LGR5: variants seen among roughly 807,000 people sequenced by gnomAD.
LGR5 encodes the protein leucine rich repeat containing G protein-coupled receptor 5, also known as leucine-rich repeat-containing G protein-coupled receptor 5.
LGR5 carries 54 observed loss-of-function variants against 76.7 expected under a neutral mutation model. The observed-to-expected ratio is 0.70, with a 90% confidence interval of 0.57 to 0.88. The LOEUF (loss-of-function observed/expected upper bound fraction) is 0.88, where lower values mean the gene tolerates loss of function less well. Ranked by LOEUF, LGR5 falls within the 40% of genes least tolerant of loss-of-function variation. LGR5 has a pLI of 0.00. For missense variants in LGR5, 1,078 were observed against 1,073.3 expected (o/e 1.00, Z -0.06); for synonymous variants, 406 against 421.9 (o/e 0.96, Z 0.46).
intron 4 of LGR5, among the ~76,000 whole-genome samples, chr12:71,545,845 T>A (rs1264685760): frequency 6.6e-6 from 1 of 152,188 alleles, no homozygotes; most frequent in Non-Finnish European, 1.5e-5. Context: ...CATTCTCTAA[T>A]CTTTACAATA....
rs73138530 is a variant in LGR5 at position 71,449,340 on chromosome 12, G to T, written c.212+9048G>T. On this transcript the variant is annotated intron_variant, in intron 1 of 17. Coordinates refer to ENST00000266674, the MANE Select transcript of LGR5 (RefSeq NM_003667.4). ...TGTGGTGGAAGATCTTAACTCATGC[G>T]CAGCCCCTGTTCTTCAGCAGCTGTT... is the stretch of plus-strand genomic sequence containing the variant. 2.0e-5 allele frequency among the ~76,000 whole-genome samples: 3 copies of T among 152,140 alleles called. 1 individual carries two copies. Among genetic ancestry groups the T allele is most frequent in the Admixed American group, 1.3e-4 (2 of 15,266 alleles).
At chr12:71,508,192 C>A (rs536084128) in intron 2 of LGR5, among the ~76,000 whole-genome samples, 1 of 152,074 alleles carries the variant, frequency 6.6e-6, no homozygotes, top group African/African-American at 2.4e-5. Flanking sequence ...TGGGCCATTG[C>A]ACTCCAGTCT....
At chr12:71,471,195 T>C (rs1254344640) in intron 1 of LGR5, among the ~76,000 whole-genome samples, 2 of 152,154 alleles carry the variant, frequency 1.3e-5, no homozygotes, top group Non-Finnish European at 2.9e-5. Context: ...AATAATGAAG[T>C]CAACCATAAT....
chr12:71,477,376 C>CTT (rs1873383995), intron 1 of LGR5, among the ~76,000 whole-genome samples: 1 of 151,172 alleles, frequency 6.6e-6, no homozygotes, highest in African/African-American at 2.4e-5. Context: ...GACCTAATGG[C>CTT]TTTTTTGTTT....
At chr12:71,575,525 A>T (rs1878807937) in intron 13 of LGR5, among the ~76,000 whole-genome samples, 1 of 152,124 alleles carries the variant, frequency 6.6e-6, no homozygotes, top group African/African-American at 2.4e-5. Context: ...TGTGGCCAAC[A>T]TGGTGAAACC....
At chr12:71,558,668 T>C (rs1192945416) in intron 6 of LGR5, among the ~76,000 whole-genome samples, 2 of 152,218 alleles carry the variant, frequency 1.3e-5, no homozygotes, top group Admixed American at 6.5e-5. Flanking sequence ...ATTATCTCTC[T>C]CTTTAAATTA....
At position 71,495,988 on chromosome 12, in the gene LGR5, G is replaced by A. The variant is rs564212380; in HGVS notation, c.213-8626G>A. On this transcript the variant is annotated intron_variant, in intron 1 of 17. Transcript: ENST00000266674. ...GGTATCCTGATGGTCAAAGTCACGT[G>A]AAAAGATGCTCAGCTCTATGAGACA... Among the ~76,000 whole-genome samples, 357 of 152,276 alleles carry A rather than the reference G, an allele frequency of 2.3e-3. 1 individual carries two copies. The highest frequency in any genetic ancestry group is 0.01 in the Middle Eastern group (3 of 294).
chr12:71,525,642 G>T (rs1875961984), intron 3 of LGR5, among the ~76,000 whole-genome samples: 1 of 151,276 alleles, frequency 6.6e-6, no homozygotes, highest in Non-Finnish European at 1.5e-5. Context: ...TAAGTATTTG[G>T]GATACTTGTG....
chr12:71,491,046 G>A (rs1348591034), intron 1 of LGR5, among the ~76,000 whole-genome samples: 5 of 152,110 alleles, frequency 3.3e-5, no homozygotes, highest in Non-Finnish European at 7.3e-5. Context: ...AGATCTGATC[G>A]TTTTATAAAG....
intron 6 of LGR5, 115 bp from the exon 7 acceptor site, chr12:71,559,471 G>A (rs1026930225): frequency 6.7e-6 from 4 of 596,334 alleles, no homozygotes; most frequent in Non-Finnish European, 1.2e-5. Flanking sequence ...GAAAAGCAGT[G>A]AGAACTTCCA....
chr12:71,563,094 T>C (rs1444018217), intron 8 of LGR5, among the ~76,000 whole-genome samples: 1 of 152,188 alleles, frequency 6.6e-6, no homozygotes, highest in Non-Finnish European at 1.5e-5. Flanking sequence ...TCTTTTGATA[T>C]GCTAATACTC....
intron 3 of LGR5, among the ~76,000 whole-genome samples, chr12:71,534,170 G>GA (rs63084161): frequency 0.94 from 143,435 of 152,122 alleles, 68,255 homozygotes; most frequent in Middle Eastern, 1. Flanking sequence ...AATACTGGGA[G>GA]AAAAAAAATG....
intron 12 of LGR5, among the ~76,000 whole-genome samples, chr12:71,572,105 A>G (rs1315976730): frequency 6.8e-6 from 1 of 146,302 alleles, no homozygotes; most frequent in African/African-American, 2.6e-5. Context: ...TTTTCTCAAG[A>G]TGGAGTCTCG....
At chr12:71,554,782 T>C (rs1651266796) in intron 5 of LGR5, among the ~76,000 whole-genome samples, 1 of 152,214 alleles carries the variant, frequency 6.6e-6, no homozygotes, top group African/African-American at 2.4e-5. Context: ...GCACAGTTTT[T>C]TCCCACCATA....
At chr12:71,524,564 T>C (rs951129811) in intron 3 of LGR5, 87 bp downstream of exon 3, 26 of 865,610 alleles carry the variant, frequency 3.0e-5, no homozygotes, top group Middle Eastern at 2.2e-4. Flanking sequence ...GTGTCTCTAA[T>C]ACACTATTTA....
In LGR5 at chr12:71,584,433, T is replaced by C. The variant is rs1879233745; in HGVS notation, c.2423T>C (p.Val808Ala). ...PEVIKFILLV[V>A]VPLPACLNPL... is the part of the protein sequence containing the mutation. ...GTAATTAAGTTTATCCTTCTGGTGG[T>C]AGTCCCACTTCCTGCATGTCTCAAT... Residue 808 changes from valine (V) to alanine (A), a missense_variant, in exon 18 of 18, where the codon GTA becomes GCA. Coordinates refer to ENST00000266674, the MANE Select transcript of LGR5 (RefSeq NM_003667.4). The C allele has an allele frequency of 4.3e-6, 7 of 1,613,886 alleles. No individual in the cohort carries two copies. The highest frequency in any genetic ancestry group is 5.9e-6 in the Non-Finnish European group (7 of 1,179,854).
intron 1 of LGR5, among the ~76,000 whole-genome samples, chr12:71,464,348 G>T (rs1872781722): frequency 6.6e-6 from 1 of 152,184 alleles, no homozygotes; most frequent in Admixed American, 6.5e-5. Context: ...ATCTTTGTAT[G>T]TCCACATATT....
chr12:71,452,098 C>T (rs975666463), intron 1 of LGR5, among the ~76,000 whole-genome samples: 2 of 152,190 alleles, frequency 1.3e-5, no homozygotes, highest in East Asian at 3.9e-4. Context: ...CCGTGGAAAC[C>T]ACAATAAAGG....
At position 71,585,731 on chromosome 12, in the gene LGR5, T is replaced by A. The variant is rs1229149896; in HGVS notation, c.*997T>A. ...TCTAGTAGCTCTGGCAAACCCAATA[T>A]CTGACACCACTTTGGACTCAAGAGA... On this transcript the variant is annotated 3_prime_UTR_variant, in exon 18 of 18. Transcript: ENST00000266674. The A allele has an allele frequency of 6.6e-6, 1 of 152,224 alleles. No individual in the cohort carries two copies. 9.4% of individuals were successfully genotyped at this position (152,224 alleles called of 1,614,324 possible).
Sources: gnomAD v4.1 joint callset for allele counts (sites outside exome capture counted in the v4.1 genomes callset) on GRCh38, gnomAD v4.1.1 for gene constraint, MANE v1.5 for transcripts, NCBI Gene and HGNC (gene_info 2026-07-23, HGNC 2026-07-21) for gene names.